FGF10: variants seen among roughly 807,000 people sequenced by gnomAD.
FGF10 encodes fibroblast growth factor 10.
In FGF10, 2 loss-of-function variants were observed where a neutral mutation model predicts 19.8. The ratio of observed to expected loss-of-function variants is 0.10; its 90% CI spans 0.04 to 0.32. FGF10 has a LOEUF of 0.32. Ranked by LOEUF, FGF10 falls within the 10% of genes least tolerant of loss-of-function variation. FGF10 has a pLI of 1.00. For synonymous variants in FGF10, 112 were observed against 94.0 expected (o/e 1.19, Z -1.10); for missense variants, 191 against 246.3 (o/e 0.78, Z 1.50).
At chr5:44,388,239 C>T in intron 1 of FGF10, 119 bp downstream of exon 1, 1 of 931,686 alleles carries the variant, frequency 1.1e-6, no homozygotes, top group Non-Finnish European at 1.8e-6. Flanking sequence ...TCCACTTAAT[C>T]ATTTTACAGG....
Position 44,301,168 on chromosome 5 carries a change from T to C in FGF10, c.*3827A>G, listed in dbSNP as rs1739957762. ...GTTGGAAAAGTCCTGCTTCATGAAA[T>C]AAACAAGAACTCTTAATCAATATGG... On this transcript the variant is annotated 3_prime_UTR_variant, in exon 3 of 3. Transcript: ENST00000264664. 6.6e-6 allele frequency among the ~76,000 whole-genome samples: 1 copy of C among 152,092 alleles called. No homozygotes were observed. Among genetic ancestry groups the C allele is most frequent in the Non-Finnish European group, 1.5e-5 (1 of 68,008 alleles).
rs1740032470 is a variant in FGF10, at chr5:44,304,670, G to A, written c.*325C>T. 1 of 325,560 alleles carries A rather than the reference G, an allele frequency of 3.1e-6. No homozygotes were observed. Among genetic ancestry groups the A allele is most frequent in the Non-Finnish European group, 5.8e-6 (1 of 171,242 alleles). The allele number at this position is 325,560 out of a possible 1,614,324, so 20.2% of individuals were successfully genotyped here. A position where few individuals can be genotyped will look rare whatever the true frequency, so the allele number is the denominator to read the frequency against. On this transcript the variant is annotated 3_prime_UTR_variant, in exon 3 of 3. Transcript: ENST00000264664. ...TCGTTCTTTCAACAGATTGTTCTAT[G>A]TCCTTTAAGTTCTATCTCAGAGGTT... is the stretch of plus-strand genomic sequence containing the variant.
At chr5:44,328,379 A>T (rs1740659788) in intron 1 of FGF10, among the ~76,000 whole-genome samples, 2 of 152,208 alleles carry the variant, frequency 1.3e-5, no homozygotes. Context: ...CAGATTCTGT[A>T]CATTTCCCTT....
intron 1 of FGF10, among the ~76,000 whole-genome samples, chr5:44,357,057 T>C (rs1038262368): frequency 5.3e-5 from 8 of 151,310 alleles, no homozygotes; most frequent in Admixed American, 1.3e-4. Flanking sequence ...AAAATATGTA[T>C]GTGTAGGTAA....
intron 1 of FGF10, among the ~76,000 whole-genome samples, chr5:44,332,296 T>C (rs527668162): frequency 7.2e-4 from 110 of 152,254 alleles, no homozygotes; most frequent in African/African-American, 2.6e-3. Flanking sequence ...TCAAAGACTT[T>C]TCCAGCTTTA....
rs957220506 is a variant in FGF10, at chr5:44,301,405, T to G, written c.*3590A>C. 3.3e-5 allele frequency among the ~76,000 whole-genome samples: 5 copies of G among 152,206 alleles called. No individual in the cohort carries two copies. The highest frequency in any genetic ancestry group is 1.2e-4 in the African/African-American group (5 of 41,466). On this transcript the variant is annotated 3_prime_UTR_variant, in exon 3 of 3. Coordinates refer to ENST00000264664, the MANE Select transcript of FGF10 (RefSeq NM_004465.2). ...GAACTGTGCAGCATTAATGCTGATC[T>G]ATGTAAATTGGGTTCATAAACTTGC...
At chr5:44,316,238 C>T (rs1159900087) in intron 1 of FGF10, among the ~76,000 whole-genome samples, 4 of 152,120 alleles carry the variant, frequency 2.6e-5, no homozygotes, top group Admixed American at 1.3e-4. Flanking sequence ...CATTCCCTTT[C>T]GTGTAAAAAA....
At chr5:44,378,116 C>CTGTTA in intron 1 of FGF10, among the ~76,000 whole-genome samples, 1 of 152,246 alleles carries the variant, frequency 6.6e-6, no homozygotes, top group Admixed American at 6.5e-5. Flanking sequence ...GTAGCATCAC[C>CTGTTA]AGAATACCTG....
chr5:44,336,187 T>C (rs1466021033), intron 1 of FGF10, among the ~76,000 whole-genome samples: 1 of 152,188 alleles, frequency 6.6e-6, no homozygotes, highest in African/African-American at 2.4e-5. Flanking sequence ...AAGTTCTTTG[T>C]AAGTTTGATT....
intron 2 of FGF10, among the ~76,000 whole-genome samples, chr5:44,307,482 A>G (rs17234576): frequency 0.011 from 1,714 of 152,270 alleles, 23 homozygotes; most frequent in African/African-American, 0.039. Flanking sequence ...TCAGGAGAAA[A>G]CTCAAAATAC....
chr5:44,380,365 C>A (rs574776471), intron 1 of FGF10, among the ~76,000 whole-genome samples: 1 of 152,174 alleles, frequency 6.6e-6, no homozygotes, highest in African/African-American at 2.4e-5. Context: ...CAATCAGTGC[C>A]AAAAAATTCT....
chr5:44,381,376 C>T (rs1423668725), intron 1 of FGF10, among the ~76,000 whole-genome samples: 2 of 152,094 alleles, frequency 1.3e-5, no homozygotes, highest in Non-Finnish European at 2.9e-5. Context: ...AGGCCTCTGG[C>T]CCTGAATGTC....
At chr5:44,340,249 A>G (rs1325096272) in intron 1 of FGF10, among the ~76,000 whole-genome samples, 2 of 152,114 alleles carry the variant, frequency 1.3e-5, no homozygotes, top group African/African-American at 4.8e-5. Context: ...GAATGAACTG[A>G]AAGTAGCCCA....
At chr5:44,344,461 T>G (rs1741037828) in intron 1 of FGF10, among the ~76,000 whole-genome samples, 1 of 151,828 alleles carries the variant, frequency 6.6e-6, no homozygotes, top group African/African-American at 2.4e-5. Context: ...TTACAAAATT[T>G]CAAACAAACA....
At chr5:44,377,218 CAGTT>C (rs1286354361) in intron 1 of FGF10, among the ~76,000 whole-genome samples, 1 of 152,222 alleles carries the variant, frequency 6.6e-6, no homozygotes, top group South Asian at 2.1e-4. Flanking sequence ...ATCTCTCCCT[CAGTT>C]AGAGACTGCT....
At chr5:44,306,916 AC>A (rs1246766877) in intron 2 of FGF10, among the ~76,000 whole-genome samples, 1 of 152,214 alleles carries the variant, frequency 6.6e-6, no homozygotes, top group African/African-American at 2.4e-5. Flanking sequence ...GTGTGGATTT[AC>A]TTTTATTCTC....
intron 1 of FGF10, among the ~76,000 whole-genome samples, chr5:44,387,457 A>G (rs1326482763): frequency 6.6e-6 from 1 of 152,206 alleles, no homozygotes; most frequent in African/African-American, 2.4e-5. Context: ...AAACAGACTT[A>G]TGACTTTTAC....
At chr5:44,349,491 A>AATATATATATATATATCAGAAT (rs200499069) in intron 1 of FGF10, among the ~76,000 whole-genome samples, 4 of 36,794 alleles carry the variant, frequency 1.1e-4, no homozygotes, top group African/African-American at 1.7e-4. Flanking sequence ...TATATATCAG[A>AATATATATATATATATCAGAAT]ATATATATAT....
chr5:44,306,635 A>G (rs935687761), intron 2 of FGF10, among the ~76,000 whole-genome samples: 2 of 152,212 alleles, frequency 1.3e-5, no homozygotes, highest in African/African-American at 2.4e-5. Context: ...GTATATGTTT[A>G]TATACCTAGG....
Sources: gnomAD v4.1 joint callset for allele counts (sites outside exome capture counted in the v4.1 genomes callset) on GRCh38, gnomAD v4.1.1 for gene constraint, MANE v1.5 for transcripts, NCBI Gene and HGNC (gene_info 2026-07-23, HGNC 2026-07-21) for gene names.